The following PCLO variants were observed in gnomAD, a reference collection of about 807,000 sequenced individuals.
The protein encoded by PCLO is protein piccolo.
A neutral mutation model predicts 427.5 loss-of-function variants in PCLO; 82 were observed. The observed-to-expected ratio is 0.19, with a 90% CI of 0.16 to 0.23. PCLO has a LOEUF of 0.23. PCLO is among the 10% of genes least tolerant of loss of function. The probability of loss-of-function intolerance (pLI) is 1.00; values close to 1 mark genes in which losing one functional copy is unlikely to be tolerated. For missense variants in PCLO, 6,239 were observed against 6,115.9 expected, an observed-to-expected ratio of 1.02 and a Z score of -0.67; for synonymous variants, 2,357 against 2,155.4, an observed-to-expected ratio of 1.09 and a Z score of -2.59.
intron 10 of PCLO, among the ~76,000 whole-genome samples, chr7:82,878,251 G>A (rs1793422085): frequency 6.6e-6 from 1 of 152,060 alleles, no homozygotes; most frequent in African/African-American, 2.4e-5. Flanking sequence ...CTTCTAATTT[G>A]TGTTTATTCT....
chr7:82,931,540 C>T (rs1562865145), intron 6 of PCLO, among the ~76,000 whole-genome samples: 1 of 152,114 alleles, frequency 6.6e-6, no homozygotes. Context: ...CTAAGGAAGA[C>T]TACTTCTAAG....
rs543248975 is a variant in PCLO, at chr7:83,119,617, G to A, written c.3300+14633C>T. The stretch of plus-strand genomic sequence containing the variant: ...GATTAGAATAAATACTGAATTCCTC[G>A]ATGCCCAGACATCAATGAACATCCA... On this transcript the variant is annotated intron_variant, in intron 3 of 24. Transcript: ENST00000333891. 4.6e-5 allele frequency among the ~76,000 whole-genome samples: 7 copies of A among 151,948 alleles called. No homozygotes were observed. The South Asian group carries it at 1.0e-3, about 23-fold the overall frequency.
At chr7:82,978,857 AACACACACACACACACAC>A (rs66871387) in intron 3 of PCLO, among the ~76,000 whole-genome samples, 2 of 138,592 alleles carry the variant, frequency 1.4e-5, no homozygotes, top group Non-Finnish European at 1.5e-5. Flanking sequence ...CACACACACA[AACACACACACACACACAC>A]ACACACACAC....
Position 82,794,066 on chromosome 7 carries a change from C to G in PCLO, c.15007+7452G>C, listed in dbSNP as rs527498550. On this transcript the variant is annotated intron_variant, in intron 22 of 24. Transcript: ENST00000333891. ...AATTATTATCCTTTTCTTTTTAAGCCTCTATTATTGCTGTTGAGATATCGT... is the reference window on the plus strand; with the variant it reads ...AATTATTATCCTTTTCTTTTTAAGCGTCTATTATTGCTGTTGAGATATCGT... 2.6e-5 allele frequency among the ~76,000 whole-genome samples: 4 copies of G among 152,132 alleles called. No homozygotes were observed. In the East Asian group the frequency reaches 5.8e-4, roughly 22 times the overall value.
At chr7:83,040,826 G>A (rs1227104122) in intron 3 of PCLO, among the ~76,000 whole-genome samples, 1 of 152,114 alleles carries the variant, frequency 6.6e-6, no homozygotes, top group Non-Finnish European at 1.5e-5. Context: ...TGATGGACAA[G>A]TTCTGGGCCC....
At chr7:83,073,910 A>C (rs572661954) in intron 3 of PCLO, among the ~76,000 whole-genome samples, 8 of 151,766 alleles carry the variant, frequency 5.3e-5, no homozygotes, top group Non-Finnish European at 1.0e-4. Context: ...ACTTCAGAGC[A>C]ATTAAAACAA....
chr7:83,044,754 T>C (rs1023448446), intron 3 of PCLO, among the ~76,000 whole-genome samples: 18 of 152,266 alleles, frequency 1.2e-4, no homozygotes, highest in African/African-American at 4.1e-4. Context: ...GTAACATATG[T>C]ACAAAAATAA....
rs571523365 is a variant in PCLO at position 83,118,233 on chromosome 7, C to G, written c.3300+16017G>C. Among the ~76,000 whole-genome samples, 70 of 152,156 alleles carry G rather than the reference C, an allele frequency of 4.6e-4. No individual in the cohort carries two copies. In the South Asian group the frequency reaches 0.014, roughly 30 times the overall value. ...AAAATGTGGAAGGTTATTTTTATAA[C>G]ATAAATGTGAAAAATACCTTATTTA... On this transcript the variant is annotated intron_variant, in intron 3 of 24. Transcript: ENST00000333891.
At chr7:82,816,787 T>G (rs1485585888) in intron 20 of PCLO, among the ~76,000 whole-genome samples, 1 of 152,136 alleles carries the variant, frequency 6.6e-6, no homozygotes, top group African/African-American at 2.4e-5. Context: ...ATCCCCATTG[T>G]GGACCAGACC....
chr7:83,032,129 G>A (rs993267710), intron 3 of PCLO, among the ~76,000 whole-genome samples: 6 of 152,180 alleles, frequency 3.9e-5, no homozygotes, highest in African/African-American at 1.4e-4. Flanking sequence ...CTCAGCCCAT[G>A]TCCCTGGTAT....
intron 1 of PCLO, among the ~76,000 whole-genome samples, 178 bp from the exon 2 acceptor site, chr7:83,156,570 CTT>C (rs1299113187): frequency 3.3e-5 from 5 of 150,148 alleles, no homozygotes; most frequent in Non-Finnish European, 5.9e-5. Context: ...GCTTTTTTTT[CTT>C]TCTTTAAATG....
chr7:82,951,461 T>C lies in PCLO; in HGVS notation c.9127A>G (p.Thr3043Ala), dbSNP rs767755140. ...TGTCGTGTTTCTGGATATGGACCTGTAGTCTTGCTTGAATAATCCATTACC... is the reference window on the plus strand; with the variant it reads ...TGTCGTGTTTCTGGATATGGACCTGCAGTCTTGCTTGAATAATCCATTACC... ...GEVMDYSSKTTGPYPETRQVI... is the reference protein window; with the variant it reads ...GEVMDYSSKTAGPYPETRQVI... Residue 3043 changes from threonine (T) to alanine (A), a missense_variant, in exon 6 of 25, where the codon ACA (threonine) becomes GCA (alanine). Physicochemically the swap from Thr to Ala is moderately conservative, Grantham distance 58. Around this residue, in one of 5 missense-constraint regions of PCLO, gnomAD observed 4,677 missense variants for 4,468.4 expected, o/e 1.05. Coordinates refer to ENST00000333891, the MANE Select transcript of PCLO (RefSeq NM_033026.6). 2.3e-5 allele frequency: 37 copies of C among 1,578,562 alleles called. No individual in the cohort carries two copies. The highest frequency in any genetic ancestry group is 1.3e-4 in the Admixed American group (7 of 54,158).
chr7:83,102,619 A>G (rs1176850421), intron 3 of PCLO, among the ~76,000 whole-genome samples: 2 of 152,132 alleles, frequency 1.3e-5, no homozygotes, highest in African/African-American at 4.8e-5. Context: ...TAAAACTGAA[A>G]TAGCAATATT....
At chr7:83,053,143 A>G (rs1179017866) in intron 3 of PCLO, among the ~76,000 whole-genome samples, 1 of 151,924 alleles carries the variant, frequency 6.6e-6, no homozygotes, top group African/African-American at 2.4e-5. Context: ...AATTTACTAT[A>G]CATTCTCTAT....
Position 83,162,497 on chromosome 7 carries a change from G to C in PCLO, c.96C>G (p.Pro32=). The change falls in exon 1 of 25, where the codon CCC becomes CCG. Residue 32 remains proline (P), a synonymous_variant. Coordinates refer to ENST00000333891, the MANE Select transcript of PCLO (RefSeq NM_033026.6). ...AGGGASGAGS[P]SHTAIPAGME... is the part of the protein sequence containing the mutation. Reference sequence around the variant, plus strand: ...TGCCGGCCGGGATCGCGGTGTGAGAGGGGCTCCCCGCCCCGCTAGCTCCTC... The same window carrying C: ...TGCCGGCCGGGATCGCGGTGTGAGACGGGCTCCCCGCCCCGCTAGCTCCTC... 3 of 1,569,638 alleles carry C rather than the reference G, an allele frequency of 1.9e-6. No individual in the cohort carries two copies. Among genetic ancestry groups the C allele is most frequent in the Non-Finnish European group, 1.7e-6 (2 of 1,157,610 alleles).
At chr7:83,157,664 C>T (rs1317915394) in intron 1 of PCLO, among the ~76,000 whole-genome samples, 10 of 151,804 alleles carry the variant, frequency 6.6e-5, no homozygotes, top group Admixed American at 5.2e-4. Context: ...ATAATTCATA[C>T]TTTAACTTTT....
At chr7:82,984,412 G>GTGTGTGTGTA (rs1406880762) in intron 3 of PCLO, among the ~76,000 whole-genome samples, 113 of 134,632 alleles carry the variant, frequency 8.4e-4, no homozygotes, top group African/African-American at 2.7e-3. Context: ...TGGTGTCTGT[G>GTGTGTGTGTA]TGTGTGTGTG....
At chr7:82,856,592 A>G (rs1030847315) in intron 10 of PCLO, among the ~76,000 whole-genome samples, 1 of 152,174 alleles carries the variant, frequency 6.6e-6, no homozygotes, top group Non-Finnish European at 1.5e-5. Context: ...TGGCCCCTAG[A>G]AAATAATGTT....
At chr7:82,941,770 T>C (rs1265478948) in intron 6 of PCLO, among the ~76,000 whole-genome samples, 1 of 152,224 alleles carries the variant, frequency 6.6e-6, no homozygotes, top group Non-Finnish European at 1.5e-5. Context: ...CCCCAAACTT[T>C]TCCAAATTTT....
Sources: allele counts gnomAD v4.1 joint callset (sites outside exome capture counted in the v4.1 genomes callset), GRCh38; gene constraint gnomAD v4.1.1; regional missense constraint gnomAD v4.1.1; transcripts MANE v1.5; gene names NCBI Gene and HGNC (gene_info 2026-07-23, HGNC 2026-07-21).